Variants in ITPKB observed in about 807,000 individuals in gnomAD.
ITPKB encodes the protein inositol-trisphosphate 3-kinase B.
A neutral mutation model predicts 69.4 loss-of-function variants in ITPKB; 13 were observed. That is an observed-to-expected ratio of 0.19 (90% confidence interval 0.12 to 0.30). ITPKB has a LOEUF of 0.30. Among genes scored for constraint, ITPKB ranks in the 10% least tolerant of loss-of-function variants. The probability of loss-of-function intolerance (pLI) is 1.00; values close to 1 mark genes in which losing one functional copy is unlikely to be tolerated. For synonymous variants in ITPKB, 584 were observed against 513.7 expected (o/e 1.14, Z -1.85); for missense variants, 1,240 against 1,250.5 (o/e 0.99, Z 0.13).
At chr1:226,698,448 C>T (rs1032484281) in intron 2 of ITPKB, among the ~76,000 whole-genome samples, 4 of 152,206 alleles carry the variant, frequency 2.6e-5, no homozygotes, top group Non-Finnish European at 4.4e-5. Context: ...AATCGTAAGA[C>T]TGGAAAGTGT....
At chr1:226,640,352 A>G (rs911666793) in intron 5 of ITPKB, among the ~76,000 whole-genome samples, 1 of 152,168 alleles carries the variant, frequency 6.6e-6, no homozygotes, top group Non-Finnish European at 1.5e-5. Context: ...GAGTCCCAAC[A>G]GTGGGCCGTG....
chr1:226,659,804 G>A (rs1440694371), intron 2 of ITPKB: 1 of 152,168 alleles, frequency 6.6e-6, no homozygotes, highest in Non-Finnish European at 1.5e-5. Flanking sequence ...CCCAGTGGCA[G>A]GAAGGCTCCT....
intron 2 of ITPKB, among the ~76,000 whole-genome samples, chr1:226,659,978 CTG>C (rs1431918324): frequency 6.6e-5 from 10 of 152,216 alleles, no homozygotes; most frequent in African/African-American, 2.4e-4. Flanking sequence ...AAGGCTCACA[CTG>C]CTTTATGTTC....
intron 2 of ITPKB, among the ~76,000 whole-genome samples, chr1:226,670,755 T>G (rs1031458689): frequency 6.6e-6 from 1 of 152,276 alleles, no homozygotes; most frequent in South Asian, 2.1e-4. Flanking sequence ...TCAGTTATTA[T>G]ATTCTATTGC....
At chr1:226,683,694 C>G (rs1656137719) in intron 2 of ITPKB, among the ~76,000 whole-genome samples, 2 of 152,110 alleles carry the variant, frequency 1.3e-5, no homozygotes, top group Admixed American at 6.5e-5. Context: ...ATGCTCCATT[C>G]TAAAACTGAG....
intron 2 of ITPKB, among the ~76,000 whole-genome samples, chr1:226,658,658 G>C (rs74139746): frequency 0.028 from 4,203 of 152,140 alleles, 238 homozygotes; most frequent in Admixed American, 0.12. Context: ...GTCTCCACCC[G>C]CCGTGTGATG....
intron 2 of ITPKB, among the ~76,000 whole-genome samples, chr1:226,721,305 G>A (rs753894719): frequency 1.4e-4 from 19 of 133,630 alleles, no homozygotes; most frequent in Non-Finnish European, 2.1e-4. Context: ...TCAAGATCTC[G>A]CCATTGCACT....
chr1:226,642,670 C>T lies in ITPKB; in HGVS notation c.2247-545G>A, dbSNP rs549235690. Among the ~76,000 whole-genome samples the T allele has an allele frequency of 1.3e-5, 2 of 151,974 alleles. No individual in the cohort carries two copies. The highest frequency in any genetic ancestry group is 2.4e-5 in the African/African-American group (1 of 41,378). On this transcript the variant is annotated intron_variant, in intron 4 of 7. Transcript: ENST00000429204. The surrounding 1 kb of genome is among the most constrained non-coding windows in gnomAD (Gnocchi z 6.4). ...GTGGCTGGTCCTGATCCTGCTGCTA[C>T]GGTGGAGCTAAGAGAGGGGACTGGG...
rs763440563 is a variant in ITPKB at position 226,642,134 on chromosome 1, G to A, written c.2247-9C>T. On this transcript the variant is annotated splice_polypyrimidine_tract_variant and intron_variant, in intron 4 of 7. Coordinates refer to ENST00000429204, the MANE Select transcript of ITPKB (RefSeq NM_002221.4). The surrounding 1 kb of genome is among the most constrained non-coding windows in gnomAD (Gnocchi z 6.4). The stretch of plus-strand genomic sequence containing the variant: ...CCTCCTCCAGGTAGGTCCTACGTGG[G>A]AGGGAAGGCGACATGAGGGCCGAGG... 5 of 1,609,122 alleles carry A rather than the reference G, an allele frequency of 3.1e-6. No individual in the cohort carries two copies. Among genetic ancestry groups the A allele is most frequent in the Non-Finnish European group, 4.2e-6 (5 of 1,177,302 alleles).
At position 226,736,000 on chromosome 1, in the gene ITPKB, C is replaced by A. The variant is rs767585580; in HGVS notation, c.1459G>T (p.Asp487Tyr). ...GGAGGGCACTGAGGTTCTTTCAGAT[C>A]TTTCGCAGCGTCCCAACAGGGCAAA... Reference protein sequence around the residue: ...EPLPCWDAAKDLKEPQCPPGD... With the variant: ...EPLPCWDAAKYLKEPQCPPGD... The change falls in exon 2 of 8, where the codon GAT becomes TAT. Residue 487 changes from aspartate (D) to tyrosine (Y), a missense_variant. Coordinates refer to ENST00000429204, the MANE Select transcript of ITPKB (RefSeq NM_002221.4). 1.8e-5 allele frequency: 29 copies of A among 1,613,810 alleles called. No individual in the cohort carries two copies. Among genetic ancestry groups the A allele is most frequent in the Admixed American group, 6.7e-5 (4 of 60,008 alleles).
chr1:226,682,407 C>G (rs1334322993), intron 2 of ITPKB, among the ~76,000 whole-genome samples: 1 of 152,190 alleles, frequency 6.6e-6, no homozygotes, highest in Non-Finnish European at 1.5e-5. Flanking sequence ...GGCAAGGTAG[C>G]AACATAGAGC....
intron 2 of ITPKB, among the ~76,000 whole-genome samples, chr1:226,669,599 T>C (rs1251772748): frequency 6.6e-6 from 1 of 152,202 alleles, no homozygotes; most frequent in Non-Finnish European, 1.5e-5. Context: ...CCAAGAACTA[T>C]GACTATCCAA....
In ITPKB at chr1:226,672,904, G is replaced by A. The variant is rs147363985; in HGVS notation, c.1933-24133C>T. Among the ~76,000 whole-genome samples, 255 of 152,350 alleles carry A rather than the reference G, an allele frequency of 1.7e-3. 2 individuals are homozygous for A. Among genetic ancestry groups the A allele is most frequent in the African/African-American group, 6.0e-3 (248 of 41,578 alleles). On this transcript the variant is annotated intron_variant, in intron 2 of 7. Coordinates refer to ENST00000429204, the MANE Select transcript of ITPKB (RefSeq NM_002221.4). ...CAGACAAACAGGAAGAAGGTCCCAG[G>A]TGGAGAACCTGCATTTGGCTTCTGT... is the stretch of plus-strand genomic sequence containing the variant.
chr1:226,640,463 G>A (rs1022539664), intron 5 of ITPKB, among the ~76,000 whole-genome samples: 6 of 152,200 alleles, frequency 3.9e-5, no homozygotes, highest in South Asian at 2.1e-4. Context: ...CTGGGTGCAG[G>A]AGGGGCCGAG....
At position 226,641,504 on chromosome 1, in the gene ITPKB, A is replaced by G. The variant is rs1330548132; in HGVS notation, c.2451+417T>C. On this transcript the variant is annotated intron_variant, in intron 5 of 7. Transcript: ENST00000429204. This position sits in a 1 kb window ranked among gnomAD's most constrained non-coding sequence, Gnocchi z 4.6. ...AAGCAGAGAGAATGCAGTTTCTCAG[A>G]GACCCTGGCTCCAACATCAAAGGCG... is the stretch of plus-strand genomic sequence containing the variant. 6.6e-6 allele frequency among the ~76,000 whole-genome samples: 1 copy of G among 152,274 alleles called. No homozygotes were observed. The highest frequency in any genetic ancestry group is 1.5e-5 in the Non-Finnish European group (1 of 68,050).
In ITPKB at chr1:226,663,816, G is replaced by A. The variant is rs1238651559; in HGVS notation, c.1933-15045C>T. 5.9e-5 allele frequency among the ~76,000 whole-genome samples: 9 copies of A among 152,298 alleles called. No individual in the cohort carries two copies. In the East Asian group the frequency reaches 1.5e-3, roughly 26 times the overall value. On this transcript the variant is annotated intron_variant, in intron 2 of 7. Transcript: ENST00000429204. ...CTCAAAGTGCTGGGATTACAGGCGT[G>A]AGCCACCACGTCCAGGTTAACATGT... is the stretch of plus-strand genomic sequence containing the variant.
chr1:226,677,332 C>G (rs1655911401), intron 2 of ITPKB, among the ~76,000 whole-genome samples: 3 of 152,202 alleles, frequency 2.0e-5, no homozygotes, highest in African/African-American at 7.2e-5. Context: ...ACGATGCCAC[C>G]AGGGCTGGGG....
Position 226,735,944 on chromosome 1 carries a change from G to A in ITPKB, c.1515C>T (p.Asn505=). 2 of 1,614,082 alleles carry A rather than the reference G, an allele frequency of 1.2e-6. No homozygotes were observed. Among genetic ancestry groups the A allele is most frequent in the South Asian group, 1.1e-5 (1 of 91,090 alleles). The change falls in exon 2 of 8, where the codon AAC becomes AAT. Residue 505 remains asparagine (N), a synonymous_variant. Coordinates refer to ENST00000429204, the MANE Select transcript of ITPKB (RefSeq NM_002221.4). ...PGDRVGVQPG[N]SRVWQGTMEK... ...CCATGGTGCCCTGCCAAACCCTGGA[G>A]TTCCCAGGCTGCACACCCACCCTGT...
At chr1:226,687,653 C>A (rs1656246660) in intron 2 of ITPKB, among the ~76,000 whole-genome samples, 1 of 152,204 alleles carries the variant, frequency 6.6e-6, no homozygotes, top group South Asian at 2.1e-4. Context: ...CCCAGCAGTT[C>A]CAGCACTGTA....
Sources: gnomAD v4.1 joint callset for allele counts (sites outside exome capture counted in the v4.1 genomes callset) on GRCh38, gnomAD v4.1.1 for gene constraint, Gnocchi (gnomAD v3.1) non-coding constraint, MANE v1.5 for transcripts, NCBI Gene and HGNC (gene_info 2026-07-23, HGNC 2026-07-21) for gene names.